Variants in LRRTM4 observed in about 807,000 individuals in gnomAD.
LRRTM4 encodes the protein leucine-rich repeat transmembrane neuronal protein 4.
In LRRTM4, 25 loss-of-function variants were observed where a neutral mutation model predicts 47.6. The ratio of observed to expected loss-of-function variants is 0.53; its 90% CI spans 0.38 to 0.73. The LOEUF is 0.73. LRRTM4 is among the 30% of genes least tolerant of loss of function. The probability of loss-of-function intolerance (pLI) is 0.00; values close to 1 mark genes in which losing one functional copy is unlikely to be tolerated. For missense variants in LRRTM4, 638 were observed against 713.4 expected, an observed-to-expected ratio of 0.89 and a Z score of 1.20; for synonymous variants, 311 against 269.5, an observed-to-expected ratio of 1.15 and a Z score of -1.51.
Position 77,423,976 on chromosome 2 carries a change from T to A in LRRTM4, c.1551+94342A>T, listed in dbSNP as rs999992443. ...TTTTTCAGCTGTATCCATTAAGCTG[T>A]CAATTAGAATAATTTTTTATCTTTA... On this transcript the variant is annotated intron_variant, in intron 3 of 3. Coordinates refer to ENST00000409884, the MANE Select transcript of LRRTM4 (RefSeq NM_001134745.3). Among the ~76,000 whole-genome samples, 3 of 152,294 alleles carry A rather than the reference T, an allele frequency of 2.0e-5. No individual in the cohort carries two copies. The South Asian group carries it at 6.2e-4, about 32-fold the overall frequency.
chr2:77,000,138 A>G (rs1181069637), intron 3 of LRRTM4, among the ~76,000 whole-genome samples: 1 of 144,686 alleles, frequency 6.9e-6, no homozygotes, highest in Non-Finnish European at 1.5e-5. Flanking sequence ...TGATACGGAG[A>G]AAGAGTGGGA....
rs140598627 is a variant in LRRTM4 at position 77,458,626 on chromosome 2, G to A, written c.1551+59692C>T. 3.9e-3 allele frequency among the ~76,000 whole-genome samples: 587 copies of A among 152,064 alleles called. 5 individuals carry two copies. The highest frequency in any genetic ancestry group is 6.8e-3 in the Admixed American group (104 of 15,224). On this transcript the variant is annotated intron_variant, in intron 3 of 3. Transcript: ENST00000409884. ...CTGGTGCAAAATAAAGTATGCTAGTGAGATTTTATAGTACAGTTGCCACAC... is the reference window on the plus strand; with the variant it reads ...CTGGTGCAAAATAAAGTATGCTAGTAAGATTTTATAGTACAGTTGCCACAC...
At chr2:77,069,174 CTGTG>C (rs752000024) in intron 3 of LRRTM4, among the ~76,000 whole-genome samples, 1 of 152,080 alleles carries the variant, frequency 6.6e-6, no homozygotes, top group African/African-American at 2.4e-5. Flanking sequence ...CTCTATATTT[CTGTG>C]TGTGTGTCTT....
At chr2:77,282,764 A>G (rs139826346) in intron 3 of LRRTM4, among the ~76,000 whole-genome samples, 366 of 152,108 alleles carry the variant, frequency 2.4e-3, no homozygotes, top group Non-Finnish European at 3.2e-3. Context: ...TAGTCAATAA[A>G]TGGTGTTGAG....
intron 3 of LRRTM4, among the ~76,000 whole-genome samples, chr2:77,400,619 C>T (rs1673913051): frequency 1.3e-5 from 2 of 151,802 alleles, no homozygotes; most frequent in Non-Finnish European, 2.9e-5. Flanking sequence ...CAGATCATGC[C>T]ATTTCTCTGC....
chr2:76,968,743 A>C (rs974984026), intron 3 of LRRTM4, among the ~76,000 whole-genome samples: 2 of 151,696 alleles, frequency 1.3e-5, no homozygotes, highest in African/African-American at 4.8e-5. Context: ...TTACTCTCCG[A>C]AACTACCCTT....
chr2:77,127,465 T>G (rs1197943726), intron 3 of LRRTM4, among the ~76,000 whole-genome samples: 2 of 152,194 alleles, frequency 1.3e-5, no homozygotes, highest in South Asian at 2.1e-4. Flanking sequence ...GCTTTTGATA[T>G]TCACACTATC....
chr2:77,083,766 A>G (rs1470428133), intron 3 of LRRTM4, among the ~76,000 whole-genome samples: 1 of 104,574 alleles, frequency 9.6e-6, no homozygotes, highest in Non-Finnish European at 2.1e-5. Context: ...AAACTTCTCA[A>G]TTTTTAACTG....
intron 3 of LRRTM4, among the ~76,000 whole-genome samples, chr2:77,184,953 ACC>A (rs530181089): frequency 3.6e-3 from 547 of 152,092 alleles, no homozygotes; most frequent in South Asian, 7.9e-3. Context: ...TGAGCCACAG[ACC>A]AAAGTAATTA....
intron 3 of LRRTM4, among the ~76,000 whole-genome samples, chr2:76,848,055 G>A (rs758428151): frequency 6.6e-6 from 1 of 152,036 alleles, no homozygotes; most frequent in Non-Finnish European, 1.5e-5. Flanking sequence ...TTTCCATCCA[G>A]AGAGCTCATT....
chr2:77,099,635 A>G (rs903083812), intron 3 of LRRTM4, among the ~76,000 whole-genome samples: 2 of 146,542 alleles, frequency 1.4e-5, no homozygotes, highest in African/African-American at 2.6e-5. Flanking sequence ...AATGTTATTT[A>G]TCGTTTTTGT....
intron 3 of LRRTM4, among the ~76,000 whole-genome samples, chr2:77,105,263 T>C (rs950822997): frequency 2.2e-4 from 34 of 152,172 alleles, no homozygotes; most frequent in African/African-American, 6.5e-4. Flanking sequence ...TAAAAAGAAA[T>C]TATTTTGTGT....
At chr2:77,049,135 T>TATATA (rs1553377445) in intron 3 of LRRTM4, among the ~76,000 whole-genome samples, 1 of 127,964 alleles carries the variant, frequency 7.8e-6, no homozygotes, top group Non-Finnish European at 1.6e-5. Context: ...TATATATATA[T>TATATA]ATATATATAT....
chr2:77,501,182 T>A (rs1182364224), intron 3 of LRRTM4, among the ~76,000 whole-genome samples: 1 of 150,408 alleles, frequency 6.6e-6, no homozygotes, highest in Non-Finnish European at 1.5e-5. Context: ...TGGATGGAAA[T>A]AATACCCCAA....
At chr2:76,948,118 C>T (rs779042288) in intron 3 of LRRTM4, among the ~76,000 whole-genome samples, 4 of 151,834 alleles carry the variant, frequency 2.6e-5, no homozygotes, top group South Asian at 2.1e-4. Flanking sequence ...ACGAGTTTCA[C>T]GGCAACAGCA....
chr2:77,197,711 C>T (rs998605177), intron 3 of LRRTM4, among the ~76,000 whole-genome samples: 1 of 152,146 alleles, frequency 6.6e-6, no homozygotes, highest in African/African-American at 2.4e-5. Context: ...AGCTGACCTT[C>T]GGTCATTCTA....
chr2:77,144,207 T>C (rs1356009273), intron 3 of LRRTM4, among the ~76,000 whole-genome samples: 3 of 152,118 alleles, frequency 2.0e-5, no homozygotes, highest in African/African-American at 4.8e-5. Flanking sequence ...CAGTCAGTCA[T>C]TGAATATGGA....
chr2:76,996,051 T>C (rs1413255860), intron 3 of LRRTM4, among the ~76,000 whole-genome samples: 3 of 151,492 alleles, frequency 2.0e-5, no homozygotes, highest in Non-Finnish European at 2.9e-5. Flanking sequence ...AATAAGAAGA[T>C]CGTAAATCAC....
chr2:76,946,027 A>C (rs1347516923), intron 3 of LRRTM4, among the ~76,000 whole-genome samples: 1 of 151,792 alleles, frequency 6.6e-6, no homozygotes, highest in Non-Finnish European at 1.5e-5. Context: ...ATGCAATATC[A>C]CTAAAGTATA....
Sources: allele counts gnomAD v4.1 joint callset (sites outside exome capture counted in the v4.1 genomes callset), GRCh38; gene constraint gnomAD v4.1.1; transcripts MANE v1.5; gene names NCBI Gene and HGNC (gene_info 2026-07-23, HGNC 2026-07-21).